The following DCTPP1 variants were observed in gnomAD, a reference collection of about 807,000 sequenced individuals.
DCTPP1 encodes the protein XTP3-transactivated gene A protein.
A neutral mutation model predicts 8.8 loss-of-function variants in DCTPP1; 8 were observed. The ratio of observed to expected loss-of-function variants is 0.91; its 90% CI spans 0.54 to 1.64. The LOEUF is 1.64. Among genes scored for constraint, DCTPP1 ranks in the 40% most tolerant of loss-of-function variants. The pLI, the probability that DCTPP1 is intolerant of heterozygous loss-of-function variation, is 0.00. For synonymous variants in DCTPP1, 85 were observed against 92.1 expected (o/e 0.92, Z 0.44); for missense variants, 231 against 230.4 (o/e 1.00, Z -0.02).
chr16:30,429,056 C>A lies in DCTPP1; in HGVS notation c.212+1G>T, dbSNP rs2050209644. On this transcript the variant is annotated splice_donor_variant, in intron 2 of 2. Coordinates refer to ENST00000319285, the MANE Select transcript of DCTPP1 (RefSeq NM_024096.2). LOFTEE classifies it high-confidence loss of function. ...TACCAGGAAGCTTTCCATCTACTCA[C>A]AAGAGTTCTGCCAGCTCCCCCACTT... 1 of 1,613,274 alleles carries A rather than the reference C, an allele frequency of 6.2e-7. No homozygotes were observed.
Sources: allele counts gnomAD v4.1 joint callset, GRCh38; gene constraint gnomAD v4.1.1; transcripts MANE v1.5; gene names NCBI Gene and HGNC (gene_info 2026-07-23, HGNC 2026-07-21).